Variants in RBFOX3 observed in about 807,000 individuals in gnomAD.
The protein encoded by RBFOX3 is RNA binding protein fox-1 homolog 3.
RBFOX3 carries 17 observed loss-of-function variants against 48.7 expected under a neutral mutation model. That is an observed-to-expected ratio of 0.35 (90% CI 0.24 to 0.52). The LOEUF (loss-of-function observed/expected upper bound fraction) is 0.52. RBFOX3 is among the 20% of genes least tolerant of loss of function. RBFOX3 has a pLI of 0.94. For missense variants in RBFOX3, 382 were observed against 497.5 expected (o/e 0.77, Z 2.21); for synonymous variants, 212 against 209.5 (o/e 1.01, Z -0.10).
At chr17:79,289,630 G>A (rs943782699) in intron 3 of RBFOX3, among the ~76,000 whole-genome samples, 8 of 152,228 alleles carry the variant, frequency 5.3e-5, no homozygotes, top group Non-Finnish European at 7.3e-5. Flanking sequence ...CTGGCTCAGG[G>A]GACAGCCCTT....
At chr17:79,620,663 GC>G in the RBFOX3 span, among the ~76,000 whole-genome samples, 1 of 109,296 alleles carries the variant, frequency 9.1e-6, no homozygotes, top group Non-Finnish European at 1.6e-5. Context: ...ATGCACACAC[GC>G]ACATGCACAC....
chr17:79,656,459 C>CAA, the RBFOX3 span, among the ~76,000 whole-genome samples: 1 of 151,952 alleles, frequency 6.6e-6, no homozygotes, highest in Non-Finnish European at 1.5e-5. Context: ...ACTAAAAATA[C>CAA]AAAAATTAGC....
chr17:79,174,892 C>T (rs1376618829), intron 4 of RBFOX3, among the ~76,000 whole-genome samples: 2 of 152,236 alleles, frequency 1.3e-5, no homozygotes, highest in Non-Finnish European at 2.9e-5. Flanking sequence ...GGTACAGCCA[C>T]GAATCCCAGC....
chr17:79,275,240 C>T (rs1950217799), intron 3 of RBFOX3, among the ~76,000 whole-genome samples: 1 of 151,658 alleles, frequency 6.6e-6, no homozygotes, highest in South Asian at 2.1e-4. Context: ...AATTTCCTCC[C>T]AGATTCTTCT....
intron 1 of RBFOX3, among the ~76,000 whole-genome samples, chr17:79,507,517 G>A (rs916605115): frequency 2.2e-4 from 33 of 152,208 alleles, no homozygotes; most frequent in Admixed American, 1.0e-3. Flanking sequence ...GGGTGGAGAC[G>A]GGGAAGGGTG....
chr17:79,406,517 C>A (rs2063554300), intron 2 of RBFOX3, among the ~76,000 whole-genome samples: 1 of 152,182 alleles, frequency 6.6e-6, no homozygotes, highest in African/African-American at 2.4e-5. Context: ...GTTTCTCCCG[C>A]CAGGAAATCC....
At chr17:79,231,080 T>C (rs1218535050) in intron 4 of RBFOX3, among the ~76,000 whole-genome samples, 1 of 152,186 alleles carries the variant, frequency 6.6e-6, no homozygotes, top group African/African-American at 2.4e-5. Flanking sequence ...TTTCAGGCCA[T>C]GGTGCAGTGA....
intron 4 of RBFOX3, among the ~76,000 whole-genome samples, chr17:79,170,074 A>T (rs2145684290): frequency 6.9e-6 from 1 of 143,964 alleles, no homozygotes; most frequent in East Asian, 2.0e-4. Context: ...AAGAAAGGAA[A>T]CGGAGGAAGG....
At chr17:79,219,601 A>G (rs2059467630) in intron 4 of RBFOX3, among the ~76,000 whole-genome samples, 1 of 152,048 alleles carries the variant, frequency 6.6e-6, no homozygotes, top group Admixed American at 6.5e-5. Context: ...TTCCTTTGCC[A>G]AAAGGCACAG....
chr17:79,155,402 G>C (rs1236017703), intron 4 of RBFOX3, among the ~76,000 whole-genome samples: 1 of 152,270 alleles, frequency 6.6e-6, no homozygotes, highest in Non-Finnish European at 1.5e-5. Context: ...CAGTGGGCAG[G>C]GAGGTCCGGG....
chr17:79,505,320 T>A (rs1231917995), intron 1 of RBFOX3, among the ~76,000 whole-genome samples: 1 of 152,048 alleles, frequency 6.6e-6, no homozygotes, highest in African/African-American at 2.4e-5. Context: ...GGGTCCAGAG[T>A]ACCCCTGGAG....
At chr17:79,580,168 C>T (rs1568430132) in intron 1 of RBFOX3, among the ~76,000 whole-genome samples, 2 of 151,988 alleles carry the variant, frequency 1.3e-5, no homozygotes, top group South Asian at 2.1e-4. Context: ...CCCACCATGG[C>T]TTTGCTTAAG....
At chr17:79,395,499 C>T (rs985550480) in intron 2 of RBFOX3, among the ~76,000 whole-genome samples, 9 of 152,264 alleles carry the variant, frequency 5.9e-5, no homozygotes, top group African/African-American at 2.2e-4. Context: ...TTGAGACCCT[C>T]TCTCCTAAGC....
intron 4 of RBFOX3, among the ~76,000 whole-genome samples, chr17:79,208,852 G>A (rs973835683): frequency 2.6e-5 from 4 of 151,422 alleles, no homozygotes; most frequent in African/African-American, 4.9e-5. Context: ...GTCTCGCTCC[G>A]TCGCCCAGGC....
chr17:79,096,627 C>G (rs1247480089), intron 12 of RBFOX3, 26 bp downstream of exon 12: 7 of 1,489,738 alleles, frequency 4.7e-6, no homozygotes, highest in Non-Finnish European at 6.4e-6. Flanking sequence ...TGATCCCACC[C>G]TCCCTCCCGG....
In RBFOX3 at chr17:79,282,596, C is replaced by T. The variant is rs148228841; in HGVS notation, c.-74+25128G>A. On this transcript the variant is annotated intron_variant, in intron 3 of 14. Transcript: ENST00000693108. The stretch of plus-strand genomic sequence containing the variant: ...GGGGTGGGCAGGGAGGGTCACTGCA[C>T]GGGGATGTGGCTGCAGGGCCGGCCG... 4.2e-3 allele frequency among the ~76,000 whole-genome samples: 633 copies of T among 152,222 alleles called. 2 individuals carry two copies. The highest frequency in any genetic ancestry group is 6.1e-3 in the Non-Finnish European group (413 of 67,990).
At chr17:79,272,639 G>T (rs1202165639) in intron 3 of RBFOX3, among the ~76,000 whole-genome samples, 2 of 152,170 alleles carry the variant, frequency 1.3e-5, no homozygotes, top group East Asian at 1.9e-4. Flanking sequence ...CGCTCCAACT[G>T]CCCCCTTTGG....
rs573398175 is a variant in RBFOX3 at position 79,373,766 on chromosome 17, G to A, written c.-174-65942C>T. Among the ~76,000 whole-genome samples, 13 of 152,294 alleles carry A rather than the reference G, an allele frequency of 8.5e-5. No homozygotes were observed. In the South Asian group the frequency reaches 1.2e-3, roughly 15 times the overall value. ...GCCCAGCAAGTCACGGGCCACCCTGGAAGGACACAACCTCCTTCCTCCAGG... is the reference window on the plus strand; with the variant it reads ...GCCCAGCAAGTCACGGGCCACCCTGAAAGGACACAACCTCCTTCCTCCAGG... On this transcript the variant is annotated intron_variant, in intron 2 of 14. Transcript: ENST00000693108.
At chr17:79,541,714 A>G (rs528461430) in intron 1 of RBFOX3, among the ~76,000 whole-genome samples, 2 of 152,336 alleles carry the variant, frequency 1.3e-5, no homozygotes, top group Admixed American at 1.3e-4. Flanking sequence ...GGCTCCTGGC[A>G]AGAGACCGCT....
Sources: allele counts gnomAD v4.1 joint callset (sites outside exome capture counted in the v4.1 genomes callset), GRCh38; gene constraint gnomAD v4.1.1; transcripts MANE v1.5; gene names NCBI Gene and HGNC (gene_info 2026-07-23, HGNC 2026-07-21).